Variants in ESRRG observed in about 807,000 individuals in gnomAD.
ESRRG encodes the protein estrogen related receptor gamma, also known as estrogen-related receptor gamma.
In ESRRG, 13 loss-of-function variants were observed where a neutral mutation model predicts 44.0. The observed-to-expected ratio is 0.30, with a 90% CI of 0.19 to 0.47. The LOEUF is 0.47. Ranked by LOEUF, ESRRG falls within the 20% of genes least tolerant of loss-of-function variation. The probability of loss-of-function intolerance (pLI) is 1.00; values close to 1 mark genes in which losing one functional copy is unlikely to be tolerated. For missense variants in ESRRG, 395 were observed against 580.6 expected (o/e 0.68, Z 3.29); for synonymous variants, 215 against 214.6 (o/e 1.00, Z -0.02).
At chr1:216,891,138 T>C (rs1435086859) in intron 2 of ESRRG, among the ~76,000 whole-genome samples, 1 of 152,184 alleles carries the variant, frequency 6.6e-6, no homozygotes, top group African/African-American at 2.4e-5. Flanking sequence ...TGGTACAGTT[T>C]TTCCCTTTTC....
chr1:216,948,330 G>A (rs1386004358), intron 1 of ESRRG, among the ~76,000 whole-genome samples: 1 of 151,526 alleles, frequency 6.6e-6, no homozygotes, highest in Non-Finnish European at 1.5e-5. Flanking sequence ...GCAGAGGCGG[G>A]TGGATCACTG....
At chr1:217,098,627 C>G (rs528064020) in intron 1 of ESRRG, among the ~76,000 whole-genome samples, 2 of 152,206 alleles carry the variant, frequency 1.3e-5, no homozygotes, top group East Asian at 3.9e-4. Context: ...GGAAGGAAAA[C>G]AGGAAGAAAA....
intron 2 of ESRRG, among the ~76,000 whole-genome samples, chr1:216,660,659 A>G (rs571639613): frequency 6.6e-6 from 1 of 152,346 alleles, no homozygotes; most frequent in South Asian, 2.1e-4. Context: ...TGCCAGTCAG[A>G]AAGGAAATTT....
chr1:216,619,317 C>T (rs1367442997), intron 3 of ESRRG, among the ~76,000 whole-genome samples: 1 of 152,096 alleles, frequency 6.6e-6, no homozygotes, highest in Non-Finnish European at 1.5e-5. Flanking sequence ...AATGATGTTT[C>T]CAGAAGTCTA....
At chr1:217,036,606 T>C (rs1285742166) in intron 1 of ESRRG, among the ~76,000 whole-genome samples, 1 of 152,092 alleles carries the variant, frequency 6.6e-6, no homozygotes, top group African/African-American at 2.4e-5. Flanking sequence ...AAGTGGGAGC[T>C]AAATGATTAG....
At chr1:216,640,448 T>C (rs2066167324) in intron 3 of ESRRG, among the ~76,000 whole-genome samples, 1 of 150,666 alleles carries the variant, frequency 6.6e-6, no homozygotes, top group South Asian at 2.1e-4. Flanking sequence ...CAGCTTGCCT[T>C]AGGGAAGCTG....
At chr1:217,023,503 C>T (rs2080695917) in intron 1 of ESRRG, among the ~76,000 whole-genome samples, 1 of 152,160 alleles carries the variant, frequency 6.6e-6, no homozygotes, top group South Asian at 2.1e-4. Flanking sequence ...ACTGAAATCA[C>T]CCTTTGGAGT....
intron 1 of ESRRG, among the ~76,000 whole-genome samples, chr1:217,086,949 G>C (rs1288792357): frequency 6.6e-6 from 1 of 151,984 alleles, no homozygotes; most frequent in Admixed American, 6.6e-5. Context: ...AAAGCTACTT[G>C]TATTGACACA....
Position 216,951,478 on chromosome 1 carries a change from C to T in ESRRG, c.-105-11805G>A, listed in dbSNP as rs977836502. The stretch of plus-strand genomic sequence containing the variant: ...TCAAAAACTTTCATACTTTTTTTAG[C>T]TTATTGATCTTACGGGCTTGTGATA... On this transcript the variant is annotated intron_variant, in intron 1 of 7. Coordinates refer to the ESRRG transcript ENST00000359162. 3.3e-5 allele frequency among the ~76,000 whole-genome samples: 5 copies of T among 152,152 alleles called. 1 individual carries two copies. The East Asian group carries it at 9.7e-4, about 29-fold the overall frequency.
intron 2 of ESRRG, among the ~76,000 whole-genome samples, chr1:216,781,342 A>C (rs1287431123): frequency 6.6e-6 from 1 of 152,028 alleles, no homozygotes; most frequent in Admixed American, 6.6e-5. Flanking sequence ...GAAATGAGAT[A>C]AATGTATTTA....
rs755104959 is a variant in ESRRG at position 216,879,484 on chromosome 1, CA to C, written c.-14+60097del. Among the ~76,000 whole-genome samples, 216 of 89,432 alleles carry C rather than the reference CA, an allele frequency of 2.4e-3. 1 individual carries two copies. Among genetic ancestry groups the C allele is most frequent in the East Asian group, 0.012 (32 of 2,768 alleles). 58.7% of individuals were successfully genotyped at this position (89,432 alleles called of 152,430 possible). ...ACTCTTGAGGGGAAAAAAAGGCCAC[CA>C]AAAAAAAAAAAAAAAAAAAAGAAGA... On this transcript the variant is annotated intron_variant, in intron 2 of 7. Transcript: ENST00000359162.
intron 2 of ESRRG, among the ~76,000 whole-genome samples, chr1:216,900,396 C>T (rs952975758): frequency 1.3e-5 from 2 of 152,156 alleles, no homozygotes; most frequent in Middle Eastern, 3.2e-3. Flanking sequence ...AGGAAGATAT[C>T]GCCCACTCAT....
At chr1:217,123,445 C>T (rs2092848218) in intron 1 of ESRRG, among the ~76,000 whole-genome samples, 1 of 152,154 alleles carries the variant, frequency 6.6e-6, no homozygotes, top group Non-Finnish European at 1.5e-5. Context: ...CACCTCTTTA[C>T]ATGCACATGT....
chr1:217,048,413 G>A (rs1222020499), intron 1 of ESRRG, among the ~76,000 whole-genome samples: 3 of 152,172 alleles, frequency 2.0e-5, no homozygotes, highest in Non-Finnish European at 2.9e-5. Flanking sequence ...CCCCAATCTA[G>A]CTGAAATAGA....
intron 5 of ESRRG, among the ~76,000 whole-genome samples, chr1:216,520,055 A>C (rs1490794189): frequency 1.3e-5 from 2 of 152,128 alleles, no homozygotes; most frequent in Non-Finnish European, 2.9e-5. Flanking sequence ...AAGAAAGTGT[A>C]ATATGTAGCA....
intron 1 of ESRRG, among the ~76,000 whole-genome samples, chr1:216,678,877 A>C (rs2076553444): frequency 6.6e-6 from 1 of 152,160 alleles, no homozygotes. Flanking sequence ...TTTCACTATA[A>C]ATCTAATGAT....
chr1:216,715,257 T>G, intron 1 of ESRRG: 3 of 985,086 alleles, frequency 3.0e-6, no homozygotes, highest in Non-Finnish European at 3.6e-6. Flanking sequence ...AGTCTATGGA[T>G]AAAAGGGATG....
intron 2 of ESRRG, among the ~76,000 whole-genome samples, chr1:216,750,725 T>C (rs2091923257): frequency 6.6e-6 from 1 of 151,644 alleles, no homozygotes; most frequent in Admixed American, 6.6e-5. Flanking sequence ...AAGAACATAC[T>C]GTGATACAGT....
At chr1:216,943,040 A>G (rs750629538) in intron 1 of ESRRG, among the ~76,000 whole-genome samples, 2 of 113,380 alleles carry the variant, frequency 1.8e-5, no homozygotes, top group African/African-American at 2.8e-5. Context: ...AAGATTGGGC[A>G]TATAAACTTA....
Sources: allele counts gnomAD v4.1 joint callset (sites outside exome capture counted in the v4.1 genomes callset), GRCh38; gene constraint gnomAD v4.1.1; transcripts MANE v1.5; gene names NCBI Gene and HGNC (gene_info 2026-07-23, HGNC 2026-07-21).